The following LRRK2 variants were observed in gnomAD, a reference collection of about 807,000 sequenced individuals.
LRRK2 encodes leucine-rich repeat serine/threonine-protein kinase 2.
In LRRK2, 203 loss-of-function variants were observed where a neutral mutation model predicts 302.6. The ratio of observed to expected loss-of-function variants is 0.67; its 90% CI spans 0.60 to 0.75. The LOEUF (loss-of-function observed/expected upper bound fraction) is 0.75, where lower values mean the gene tolerates loss of function less well. LRRK2 is among the 30% of genes least tolerant of loss of function. The pLI, the probability that LRRK2 is intolerant of heterozygous loss-of-function variation, is 0.00. For synonymous variants in LRRK2, 1,066 were observed against 1,031.9 expected (o/e 1.03, Z -0.63); for missense variants, 2,830 against 2,951.0 (o/e 0.96, Z 0.95).
At chr12:40,314,262 G>T (rs1945135256) in intron 32 of LRRK2, 89 bp downstream of exon 32, 1 of 1,335,352 alleles carries the variant, frequency 7.5e-7, no homozygotes, top group Non-Finnish European at 1.1e-6. Context: ...TACATTCAAA[G>T]TTGAGAGAAT....
chr12:40,242,072 A>G (rs1941747908), intron 6 of LRRK2, among the ~76,000 whole-genome samples: 2 of 152,174 alleles, frequency 1.3e-5, no homozygotes, highest in Admixed American at 1.3e-4. Context: ...TAACTCCAGT[A>G]AAAATGTGTT....
At chr12:40,310,403 C>G (rs778523825) in intron 30 of LRRK2, 28 bp from the exon 31 acceptor site, 1 of 1,609,650 alleles carries the variant, frequency 6.2e-7, no homozygotes, top group Non-Finnish European at 8.5e-7. Flanking sequence ...AAAGCAAACA[C>G]AAGAGGGTTT....
Position 40,295,722 on chromosome 12 carries a change from C to T in LRRK2, c.3096+78C>T, listed in dbSNP as rs145099854. 6.1e-4 allele frequency: 838 copies of T among 1,368,232 alleles called. 3 individuals carry two copies. The highest frequency in any genetic ancestry group is 1.9e-3 in the African/African-American group (130 of 69,116). The allele number at this position is 1,368,232 out of a possible 1,614,324, so 84.8% of individuals were successfully genotyped here. A position where few individuals can be genotyped will look rare whatever the true frequency, so the allele number is the denominator to read the frequency against. ...TTATATCTAATTTGCATAATTAAGT[C>T]GTTTAAAAGAACATTCTACTTTTGT... On this transcript the variant is annotated intron_variant, in intron 23 of 50. Coordinates refer to ENST00000298910, the MANE Select transcript of LRRK2 (RefSeq NM_198578.4).
chr12:40,277,255 A>C lies in LRRK2; in HGVS notation c.1942-633A>C, dbSNP rs140941270. Among the ~76,000 whole-genome samples the C allele has an allele frequency of 5.1e-3, 778 of 152,364 alleles. 9 individuals carry two copies. Among genetic ancestry groups the C allele is most frequent in the African/African-American group, 0.018 (742 of 41,574 alleles). On this transcript the variant is annotated intron_variant, in intron 16 of 50. Coordinates refer to ENST00000298910, the MANE Select transcript of LRRK2 (RefSeq NM_198578.4). ...TTTCATTAAAACATCACATGAGTGA[A>C]GAGGACAGACTCTGGGGATGTGCTT... is the stretch of plus-strand genomic sequence containing the variant.
Position 40,237,957 on chromosome 12 carries a change from T to G in LRRK2, c.437-12T>G, listed in dbSNP as rs1941545525. On this transcript the variant is annotated splice_polypyrimidine_tract_variant and intron_variant, in intron 4 of 50. Coordinates refer to ENST00000298910, the MANE Select transcript of LRRK2 (RefSeq NM_198578.4). ...GCTCTTTACTCAGAGCATATTATTC[T>G]CTTTAAAATAGGTAAAATCACCTTG... 6.2e-7 allele frequency: 1 copy of G among 1,607,818 alleles called. No homozygotes were observed. Among genetic ancestry groups the G allele is most frequent in the East Asian group, 2.2e-5 (1 of 44,808 alleles).
At chr12:40,365,196 A>T in intron 49 of LRRK2, 146 bp downstream of exon 49, 1 of 715,700 alleles carries the variant, frequency 1.4e-6, no homozygotes, top group Non-Finnish European at 2.3e-6. Context: ...ACTGGTATAA[A>T]TTGTGAATAG....
At chr12:40,268,924 G>A (rs748917232) in intron 14 of LRRK2, among the ~76,000 whole-genome samples, 23 of 152,092 alleles carry the variant, frequency 1.5e-4, no homozygotes, top group Non-Finnish European at 1.5e-4. Context: ...TAACTCTTCA[G>A]CCATTTGGGA....
intron 41 of LRRK2, among the ~76,000 whole-genome samples, chr12:40,345,622 C>CAACAAAA (rs1946168087): frequency 1.5e-5 from 1 of 67,528 alleles, no homozygotes; most frequent in Non-Finnish European, 2.6e-5. Flanking sequence ...GACTCCATCT[C>CAACAAAA]AAAAAAAAAA....
Position 40,322,067 on chromosome 12 carries a change from C to T in LRRK2, c.5203C>T (p.Arg1735Ter), listed in dbSNP as rs1381739913. ...ACTTCGCCCAAACAGAATGTATTGG[C>T]GACAAGGCATTTACTTAAATTGGTC... The part of the protein sequence containing the change: ...RALRPNRMYW[R>*]QGIYLNWSPE... Residue 1735 changes from arginine to a stop codon, truncating the protein, a stop_gained, in exon 36 of 51, where the codon CGA becomes TGA. Coordinates refer to ENST00000298910, the MANE Select transcript of LRRK2 (RefSeq NM_198578.4). LOFTEE classifies it high-confidence loss of function. The T allele has an allele frequency of 4.3e-6, 7 of 1,613,228 alleles. No individual in the cohort carries two copies. Among genetic ancestry groups the T allele is most frequent in the East Asian group, 4.5e-5 (2 of 44,834 alleles).
Position 40,316,269 on chromosome 12 carries a change from C to A in LRRK2, c.4827+969C>A, listed in dbSNP as rs535552364. ...AGCCTTGAATAATTGTTCCTAAATT[C>A]CATCTAAGGAAAAAAAGGAAGCTAT... On this transcript the variant is annotated intron_variant, in intron 33 of 50. Transcript: ENST00000298910. The A allele has an allele frequency of 2.0e-5, 19 of 952,168 alleles. No homozygotes were observed. In the African/African-American group the frequency reaches 3.0e-4, roughly 15 times the overall value. The allele number at this position is 952,168 out of a possible 1,614,324, so 59.0% of individuals were successfully genotyped here. A position where few individuals can be genotyped will look rare whatever the true frequency, so the allele number is the denominator to read the frequency against.
intron 7 of LRRK2, among the ~76,000 whole-genome samples, chr12:40,244,362 A>C (rs1429045245): frequency 1.3e-5 from 2 of 152,118 alleles, no homozygotes; most frequent in Non-Finnish European, 2.9e-5. Flanking sequence ...GGTTGCATGT[A>C]GTATTCTATT....
chr12:40,244,322 AT>A (rs1194575832), intron 7 of LRRK2, among the ~76,000 whole-genome samples: 4 of 152,172 alleles, frequency 2.6e-5, no homozygotes, highest in African/African-American at 9.6e-5. Flanking sequence ...CAGTGCTATG[AT>A]TATAAGAATC....
At chr12:40,268,452 A>G (rs929084182) in intron 14 of LRRK2, among the ~76,000 whole-genome samples, 30 of 152,310 alleles carry the variant, frequency 2.0e-4, no homozygotes, top group Admixed American at 1.8e-3. Flanking sequence ...ACATATAAGT[A>G]AAATTTAAAA....
chr12:40,361,385 G>A (rs1946701368), intron 47 of LRRK2, among the ~76,000 whole-genome samples: 1 of 151,986 alleles, frequency 6.6e-6, no homozygotes, highest in Non-Finnish European at 1.5e-5. Context: ...AGGAATACAT[G>A]TGCAGGTTTG....
chr12:40,319,786 AT>A (rs373676201), intron 33 of LRRK2, among the ~76,000 whole-genome samples: 2,054 of 31,042 alleles, frequency 0.066, 35 homozygotes, highest in African/African-American at 0.18. Context: ...TAATTTAACA[AT>A]TTTTTTTTTT....
intron 28 of LRRK2, among the ~76,000 whole-genome samples, chr12:40,306,838 T>A (rs1281823022): frequency 6.6e-6 from 1 of 152,140 alleles, no homozygotes; most frequent in African/African-American, 2.4e-5. Flanking sequence ...GAGGAAGGAT[T>A]TTGTTTTCTG....
At chr12:40,242,806 A>AAAAAAAAAAAAAACAAAC (rs1941792489) in intron 6 of LRRK2, among the ~76,000 whole-genome samples, 1 of 103,938 alleles carries the variant, frequency 9.6e-6, no homozygotes, top group South Asian at 3.3e-4. Context: ...CTCCACATCA[A>AAAAAAAAAAAAAACAAAC]AAAAAAAAAA....
chr12:40,247,366 T>A (rs1942029511), intron 7 of LRRK2, among the ~76,000 whole-genome samples: 1 of 151,272 alleles, frequency 6.6e-6, no homozygotes, highest in Non-Finnish European at 1.5e-5. Flanking sequence ...GTTTTAATAT[T>A]TTCACATTTC....
chr12:40,325,277 TCAAAA>T (rs984022638), intron 38 of LRRK2, among the ~76,000 whole-genome samples: 2 of 152,094 alleles, frequency 1.3e-5, no homozygotes, highest in Non-Finnish European at 2.9e-5. Context: ...ACAGAGCGTC[TCAAAA>T]CAAAACAAAA....
Sources: allele counts gnomAD v4.1 joint callset (sites outside exome capture counted in the v4.1 genomes callset), GRCh38; gene constraint gnomAD v4.1.1; transcripts MANE v1.5; gene names NCBI Gene and HGNC (gene_info 2026-07-23, HGNC 2026-07-21).